The following LZTFL1 variants were observed in gnomAD, a reference collection of about 807,000 sequenced individuals.
The protein encoded by LZTFL1 is leucine zipper transcription factor-like protein 1.
A neutral mutation model predicts 45.9 loss-of-function variants in LZTFL1; 25 were observed. The ratio of observed to expected loss-of-function variants is 0.54; its 90% confidence interval spans 0.40 to 0.76. The LOEUF is 0.76. LZTFL1 is among the 30% of genes least tolerant of loss of function. The pLI is 0.00. For synonymous variants in LZTFL1, 93 were observed against 117.4 expected, an observed-to-expected ratio of 0.79 and a Z score of 1.35; for missense variants, 277 against 331.1, an observed-to-expected ratio of 0.84 and a Z score of 1.27.
At chr3:45,911,662 C>A (rs766685944) in intron 2 of LZTFL1, among the ~76,000 whole-genome samples, 2 of 152,258 alleles carry the variant, frequency 1.3e-5, no homozygotes, top group South Asian at 4.1e-4. Context: ...GCTGGGCCAG[C>A]CCCTAGGCAG....
chr3:45,914,874 C>A (rs1011302331), intron 1 of LZTFL1, among the ~76,000 whole-genome samples: 1 of 152,186 alleles, frequency 6.6e-6, no homozygotes, highest in Non-Finnish European at 1.5e-5. Flanking sequence ...AGCTGGGTGG[C>A]GTCCCTGCTG....
rs562859222 is a variant in LZTFL1, at chr3:45,858,498, T to A, written c.-138+442A>T. On this transcript the variant is annotated intron_variant, in intron 3 of 4. Transcript: ENST00000472635. ...TTTTACCTAGTGTCATGGAAATAAT[T>A]TATTATATCCCTAATATATTTTTTA... Among the ~76,000 whole-genome samples, 45 of 152,318 alleles carry A rather than the reference T, an allele frequency of 3.0e-4. No individual in the cohort carries two copies. In the South Asian group the frequency reaches 8.9e-3, roughly 30 times the overall value.
intron 2 of LZTFL1, among the ~76,000 whole-genome samples, chr3:45,878,984 A>G (rs886862669): frequency 6.6e-6 from 1 of 152,224 alleles, no homozygotes; most frequent in Non-Finnish European, 1.5e-5. Context: ...CACCTATTAG[A>G]ATAGCCCAGG....
upstream of LZTFL1, among the ~76,000 whole-genome samples, chr3:45,845,450 CAGG>C (rs540615807): frequency 2.2e-4 from 34 of 152,234 alleles, no homozygotes; most frequent in South Asian, 2.5e-3. Flanking sequence ...TAGGTTTTAA[CAGG>C]AGTGTGGAAA....
chr3:45,883,341 C>T (rs533603876), intron 2 of LZTFL1, among the ~76,000 whole-genome samples: 1 of 152,276 alleles, frequency 6.6e-6, no homozygotes, highest in East Asian at 1.9e-4. Flanking sequence ...TTGATAAATT[C>T]AAAGGCAAAA....
intron 2 of LZTFL1, among the ~76,000 whole-genome samples, chr3:45,868,386 G>A (rs1701613219): frequency 6.6e-6 from 1 of 152,058 alleles, no homozygotes; most frequent in East Asian, 1.9e-4. Flanking sequence ...TAACAAAGCT[G>A]TTTCATTAAA....
At chr3:45,911,594 A>G (rs1278527051) in intron 2 of LZTFL1, among the ~76,000 whole-genome samples, 2 of 152,230 alleles carry the variant, frequency 1.3e-5, no homozygotes, top group African/African-American at 4.8e-5. Context: ...TTTGCACCAT[A>G]TGATCTGGAT....
At chr3:45,855,259 T>C (rs1295404690) in intron 3 of LZTFL1, among the ~76,000 whole-genome samples, 2 of 152,174 alleles carry the variant, frequency 1.3e-5, no homozygotes, top group Non-Finnish European at 2.9e-5. Flanking sequence ...TGGTTCAACA[T>C]ATGCAAATCA....
intron 2 of LZTFL1, among the ~76,000 whole-genome samples, chr3:45,905,084 C>A (rs61565453): frequency 0.29 from 43,465 of 152,064 alleles, 8,762 homozygotes; most frequent in African/African-American, 0.57. Flanking sequence ...GGCTCCAGCA[C>A]CTGCACCTGA....
intron 2 of LZTFL1, among the ~76,000 whole-genome samples, chr3:45,903,926 G>T (rs1702629829): frequency 1.3e-5 from 2 of 152,236 alleles, no homozygotes; most frequent in Non-Finnish European, 2.9e-5. Context: ...TAAAAAAGAT[G>T]CATGAGCCAC....
At position 45,864,012 on chromosome 3, in the gene LZTFL1, A is replaced by G. The variant is rs145537654; in HGVS notation, c.-214-4996T>C. On this transcript the variant is annotated intron_variant, in intron 2 of 4. Coordinates refer to the LZTFL1 transcript ENST00000472635. Reference sequence around the variant, plus strand: ...AAAGTGTTCTTTTTTTAAGAAATGTATTTTGGGGGCAATGTCATGCATGAT... The same window carrying G: ...AAAGTGTTCTTTTTTTAAGAAATGTGTTTTGGGGGCAATGTCATGCATGAT... Among the ~76,000 whole-genome samples, 233 of 152,324 alleles carry G rather than the reference A, an allele frequency of 1.5e-3. 2 individuals are homozygous for G. Among genetic ancestry groups the G allele is most frequent in the Non-Finnish European group, 2.6e-3 (178 of 68,028 alleles).
At chr3:45,849,227 T>G (rs1246741083) in intron 4 of LZTFL1, among the ~76,000 whole-genome samples, 1 of 152,008 alleles carries the variant, frequency 6.6e-6, no homozygotes, top group South Asian at 2.1e-4. Context: ...AGGGAAAGCT[T>G]TGAGGAAAAT....
chr3:45,882,110 C>A (rs1701871296), intron 2 of LZTFL1, among the ~76,000 whole-genome samples: 1 of 152,174 alleles, frequency 6.6e-6, no homozygotes. Flanking sequence ...ATTCTAGATC[C>A]TCAAGACTTA....
At chr3:45,838,106 C>A in intron 1 of LZTFL1, 55 bp from the exon 2 acceptor site, 1 of 1,528,380 alleles carries the variant, frequency 6.5e-7, no homozygotes, top group East Asian at 2.3e-5. Flanking sequence ...ATCAAAGAGC[C>A]AACAATGAAA....
intron 2 of LZTFL1, among the ~76,000 whole-genome samples, chr3:45,877,657 G>T (rs1575283902): frequency 6.6e-6 from 1 of 151,534 alleles, no homozygotes; most frequent in Non-Finnish European, 1.5e-5. Context: ...AAATTGGGCT[G>T]TTATTTCTAA....
intron 9 of LZTFL1, among the ~76,000 whole-genome samples, 157 bp from the exon 10 acceptor site, chr3:45,826,489 G>A (rs372664961): frequency 1.3e-5 from 2 of 152,338 alleles, no homozygotes; most frequent in East Asian, 3.9e-4. Flanking sequence ...GTGACTCAGA[G>A]GGGATTTTTA....
intron 5 of LZTFL1, 56 bp from the exon 6 acceptor site, chr3:45,831,194 A>ACAAG: frequency 1.1e-6 from 1 of 926,164 alleles, no homozygotes; most frequent in Non-Finnish European, 1.6e-6. Flanking sequence ...AATATTTGAA[A>ACAAG]TTATTACTTG....
At chr3:45,860,104 T>C (rs1174796495) in intron 2 of LZTFL1, among the ~76,000 whole-genome samples, 1 of 152,012 alleles carries the variant, frequency 6.6e-6, no homozygotes, top group Admixed American at 6.6e-5. Flanking sequence ...GTATACTTCT[T>C]GGGAGGCTGA....
chr3:45,880,285 C>T (rs1488318913), intron 2 of LZTFL1, among the ~76,000 whole-genome samples: 3 of 152,122 alleles, frequency 2.0e-5, no homozygotes, highest in East Asian at 1.9e-4. Flanking sequence ...AGGCGGATCA[C>T]GAGGTCAGGA....
Sources: allele counts gnomAD v4.1 joint callset (sites outside exome capture counted in the v4.1 genomes callset), GRCh38; gene constraint gnomAD v4.1.1; transcripts MANE v1.5; gene names NCBI Gene and HGNC (gene_info 2026-07-23, HGNC 2026-07-21).